A1CF: variants seen among roughly 807,000 people sequenced by gnomAD.
The protein encoded by A1CF is APOBEC1 complementation factor.
Under a neutral mutation model 68.9 loss-of-function variants are expected in A1CF, and 48 were observed. That is an observed-to-expected ratio of 0.70 (90% confidence interval 0.55 to 0.89). The LOEUF is 0.89. Ranked by LOEUF, A1CF falls within the 40% of genes least tolerant of loss-of-function variation. The pLI is 0.00. For synonymous variants in A1CF, 272 were observed against 260.4 expected (o/e 1.04, Z -0.43); for missense variants, 653 against 718.9 (o/e 0.91, Z 1.05).
chr10:50,799,679 GTCTT>G lies in A1CF; in HGVS notation c.*7046_*7049del, dbSNP rs909769868. The G allele has an allele frequency of 2.0e-5, 3 of 152,036 alleles. No homozygotes were observed. The highest frequency in any genetic ancestry group is 7.2e-5 in the African/African-American group (3 of 41,412). 9.4% of individuals were successfully genotyped at this position (152,036 alleles called of 1,614,324 possible). A position where few individuals can be genotyped will look rare whatever the true frequency, so the allele number is the denominator to read the frequency against. The stretch of plus-strand genomic sequence containing the variant: ...TGCTTTATGCACACTTTTTAATACT[GTCTT>G]TGTCTCTTTTTTGGTACCTCAGCTA... On this transcript the variant is annotated 3_prime_UTR_variant, in exon 13 of 13. Coordinates refer to ENST00000373997, the MANE Select transcript of A1CF (RefSeq NM_014576.4).
At chr10:50,839,868 G>A (rs972475647) in intron 5 of A1CF, among the ~76,000 whole-genome samples, 2 of 151,922 alleles carry the variant, frequency 1.3e-5, no homozygotes, top group African/African-American at 4.8e-5. Context: ...CCTGCCTCCC[G>A]AGTAGCTGGG....
intron 12 of A1CF, among the ~76,000 whole-genome samples, chr10:50,808,802 A>G (rs1837954422): frequency 6.6e-6 from 1 of 152,146 alleles, no homozygotes; most frequent in South Asian, 2.1e-4. Flanking sequence ...CAAAACCAAA[A>G]AACACTACTG....
chr10:50,841,596 G>A (rs920299778), intron 5 of A1CF, among the ~76,000 whole-genome samples: 4 of 152,058 alleles, frequency 2.6e-5, no homozygotes, highest in Non-Finnish European at 5.9e-5. Flanking sequence ...CCAATATTTT[G>A]AACAGTGCCC....
chr10:50,838,127 A>G (rs989995540), intron 5 of A1CF, among the ~76,000 whole-genome samples: 6 of 152,240 alleles, frequency 3.9e-5, no homozygotes, highest in Non-Finnish European at 8.8e-5. Context: ...CCCATTTGCC[A>G]TGAATAAAAG....
At chr10:50,811,646 G>C (rs1838118436) in intron 10 of A1CF, among the ~76,000 whole-genome samples, 1 of 152,148 alleles carries the variant, frequency 6.6e-6, no homozygotes, top group African/African-American at 2.4e-5. Context: ...CATAAAAATA[G>C]AATTAAAAAG....
rs1837779249 is a variant in A1CF, at chr10:50,805,549, G to T, written c.*1180C>A. The T allele has an allele frequency of 6.6e-6, 1 of 152,180 alleles. No homozygotes were observed. Among genetic ancestry groups the T allele is most frequent in the Non-Finnish European group, 1.5e-5 (1 of 68,030 alleles). The allele number at this position is 152,180 out of a possible 1,614,324, so 9.4% of individuals were successfully genotyped here. The stretch of plus-strand genomic sequence containing the variant: ...GATTGTCTGAAACAGTTTCTAATCA[G>T]CAATGATTGCTGTAAGATTTTTCTG... On this transcript the variant is annotated 3_prime_UTR_variant, in exon 13 of 13. Coordinates refer to ENST00000373997, the MANE Select transcript of A1CF (RefSeq NM_014576.4).
chr10:50,846,846 AAAGAGTCTGGC>A (rs1564518596), intron 3 of A1CF, among the ~76,000 whole-genome samples: 2 of 152,180 alleles, frequency 1.3e-5, no homozygotes, highest in Non-Finnish European at 1.5e-5. Flanking sequence ...TTGAGACTGT[AAAGAGTCTGGC>A]CAGTTCAGGG....
In A1CF at chr10:50,799,802, T is replaced by C. The variant is rs934076395; in HGVS notation, c.*6927A>G. ...ACTATAAATGCATTTTGCTGACAGCTTGCTTTTCATTAAGATATAGGGAAT... is the reference window on the plus strand; with the variant it reads ...ACTATAAATGCATTTTGCTGACAGCCTGCTTTTCATTAAGATATAGGGAAT... On this transcript the variant is annotated 3_prime_UTR_variant, in exon 13 of 13. Transcript: ENST00000373997. The C allele has an allele frequency of 3.3e-5, 5 of 152,168 alleles. No individual in the cohort carries two copies. Among genetic ancestry groups the C allele is most frequent in the Admixed American group, 3.3e-4 (5 of 15,276 alleles). The allele number at this position is 152,168 out of a possible 1,614,324, so 9.4% of individuals were successfully genotyped here.
chr10:50,828,200 A>G lies in A1CF; in HGVS notation c.700T>C (p.Tyr234His). The G allele has an allele frequency of 6.2e-7, 1 of 1,609,638 alleles. No individual in the cohort carries two copies. The highest frequency in any genetic ancestry group is 8.5e-7 in the Non-Finnish European group (1 of 1,176,886). The change falls in exon 7 of 13, where the codon TAT becomes CAT. Residue 234 changes from tyrosine (Y) to histidine (H), a missense_variant. Tyr to His is a moderately conservative substitution (Grantham distance 83, BLOSUM62 2). Transcript: ENST00000373997. ...EDTMSSVKILYVRNLMLSTSE... is the reference protein window; with the variant it reads ...EDTMSSVKILHVRNLMLSTSE... ...GTAGACAGCATAAGATTTCTTACATATAGGATTTTCACTGAAGACATTGTA... is the reference window on the plus strand; with the variant it reads ...GTAGACAGCATAAGATTTCTTACATGTAGGATTTTCACTGAAGACATTGTA...
rs1026766865 is a variant in A1CF at position 50,803,885 on chromosome 10, T to C, written c.*2844A>G. 6.6e-6 allele frequency: 1 copy of C among 152,206 alleles called. No individual in the cohort carries two copies. The highest frequency in any genetic ancestry group is 2.4e-5 in the African/African-American group (1 of 41,462). The allele number at this position is 152,206 out of a possible 1,614,324, so 9.4% of individuals were successfully genotyped here. ...ATGCAGAAGGTATGAAGGTATTATATAGGTGCTAATTTCTTAAGTCTAAAA... is the reference window on the plus strand; with the variant it reads ...ATGCAGAAGGTATGAAGGTATTATACAGGTGCTAATTTCTTAAGTCTAAAA... On this transcript the variant is annotated 3_prime_UTR_variant, in exon 13 of 13. Coordinates refer to ENST00000373997, the MANE Select transcript of A1CF (RefSeq NM_014576.4).
chr10:50,858,186 A>G (rs1454344075), intron 3 of A1CF, among the ~76,000 whole-genome samples: 2 of 152,152 alleles, frequency 1.3e-5, no homozygotes, highest in African/African-American at 4.8e-5. Flanking sequence ...TGTCTTTACT[A>G]TTATTCCAAA....
At chr10:50,835,821 G>A (rs1286798736) in intron 6 of A1CF, among the ~76,000 whole-genome samples, 1 of 152,124 alleles carries the variant, frequency 6.6e-6, no homozygotes, top group African/African-American at 2.4e-5. Flanking sequence ...ATTCATCAAA[G>A]GATTGCTGTA....
chr10:50,816,134 G>T lies in A1CF; in HGVS notation c.1013C>A (p.Thr338Asn). ...TYSLGQVYDP[T>N]TTYLGAPVFY... is the part of the protein sequence containing the mutation. ...GACAGGAGCTCCAAGGTAGGTTGTGGTGGGATCATAAACTTGGCCCAAAGA... is the reference window on the plus strand; with the variant it reads ...GACAGGAGCTCCAAGGTAGGTTGTGTTGGGATCATAAACTTGGCCCAAAGA... Residue 338 changes from threonine to asparagine, a missense_variant, in exon 9 of 13, where the codon ACC (threonine) becomes AAC (asparagine). By Grantham distance (65) the Thr-to-Asn change is moderately conservative. Transcript: ENST00000373997. 6.2e-7 allele frequency: 1 copy of T among 1,613,796 alleles called. No individual in the cohort carries two copies. The highest frequency in any genetic ancestry group is 8.5e-7 in the Non-Finnish European group (1 of 1,179,850).
chr10:50,882,264 C>T (rs1841815105), intron 1 of A1CF, among the ~76,000 whole-genome samples: 2 of 151,986 alleles, frequency 1.3e-5, no homozygotes, highest in East Asian at 1.9e-4. Context: ...AATGAAACCC[C>T]GTCTCTACTA....
chr10:50,818,055 C>CCCAT (rs1564498808), intron 8 of A1CF, among the ~76,000 whole-genome samples: 1 of 151,902 alleles, frequency 6.6e-6, no homozygotes, highest in African/African-American at 2.4e-5. Flanking sequence ...TTCTTTTTCA[C>CCCAT]CCCATCTCCA....
chr10:50,874,077 T>C (rs1589048085), intron 1 of A1CF, among the ~76,000 whole-genome samples: 1 of 152,144 alleles, frequency 6.6e-6, no homozygotes, highest in South Asian at 2.1e-4. Flanking sequence ...GCATATTTTC[T>C]CAATTTTTAA....
In A1CF at chr10:50,805,092, A is replaced by G. The variant is rs1444560868; in HGVS notation, c.*1637T>C. 6.6e-6 allele frequency: 1 copy of G among 152,218 alleles called. No individual in the cohort carries two copies. Among genetic ancestry groups the G allele is most frequent in the Admixed American group, 6.5e-5 (1 of 15,272 alleles). 9.4% of individuals were successfully genotyped at this position (152,218 alleles called of 1,614,324 possible). A position where few individuals can be genotyped will look rare whatever the true frequency, so the allele number is the denominator to read the frequency against. On this transcript the variant is annotated 3_prime_UTR_variant, in exon 13 of 13. Coordinates refer to ENST00000373997, the MANE Select transcript of A1CF (RefSeq NM_014576.4). ...TTTGTTATCTCATTGGAGTTAGGAC[A>G]ACTGAAATGTTACAAGTACTTCTGA...
intron 1 of A1CF, among the ~76,000 whole-genome samples, chr10:50,881,682 C>T (rs1041080300): frequency 6.6e-6 from 1 of 152,160 alleles, no homozygotes; most frequent in African/African-American, 2.4e-5. Context: ...ATCACTACTG[C>T]AGGTGGGATT....
intron 3 of A1CF, among the ~76,000 whole-genome samples, chr10:50,848,896 C>T (rs578017058): frequency 6.6e-6 from 1 of 152,140 alleles, no homozygotes; most frequent in Non-Finnish European, 1.5e-5. Flanking sequence ...GTTCTGTGAT[C>T]AGACTCCTGT....
Sources: allele counts gnomAD v4.1 joint callset (sites outside exome capture counted in the v4.1 genomes callset), GRCh38; gene constraint gnomAD v4.1.1; transcripts MANE v1.5; gene names NCBI Gene and HGNC (gene_info 2026-07-23, HGNC 2026-07-21).